KSR2: variants seen among roughly 807,000 people sequenced by gnomAD.
KSR2 encodes kinase suppressor of ras 2.
Under a neutral mutation model 107.8 loss-of-function variants are expected in KSR2, and 25 were observed. The observed-to-expected ratio is 0.23, with a 90% confidence interval of 0.17 to 0.32. KSR2 has a LOEUF of 0.32. Among genes scored for constraint, KSR2 ranks in the 10% least tolerant of loss-of-function variants. The pLI is 1.00. For synonymous variants in KSR2, 480 were observed against 507.0 expected (o/e 0.95, Z 0.71); for missense variants, 887 against 1,268.9 (o/e 0.70, Z 4.57).
chr12:117,956,632 T>A (rs974959285), intron 1 of KSR2, among the ~76,000 whole-genome samples: 2 of 150,268 alleles, frequency 1.3e-5, no homozygotes, highest in Admixed American at 1.3e-4. Flanking sequence ...TTTTCCTTCA[T>A]ACTAAGAGTT....
intron 14 of KSR2, among the ~76,000 whole-genome samples, chr12:117,498,874 G>A (rs1395064152): frequency 6.6e-6 from 1 of 152,218 alleles, no homozygotes; most frequent in Non-Finnish European, 1.5e-5. Flanking sequence ...CCAGCCATGT[G>A]GAACTGTGAG....
chr12:117,794,128 A>C (rs1206637849), intron 3 of KSR2, among the ~76,000 whole-genome samples: 43 of 117,708 alleles, frequency 3.7e-4, no homozygotes, highest in Non-Finnish European at 5.6e-4. Context: ...GCACACTCAC[A>C]CCAACATGCA....
At chr12:117,942,190 C>T (rs1006888517) in intron 1 of KSR2, among the ~76,000 whole-genome samples, 1 of 152,130 alleles carries the variant, frequency 6.6e-6, no homozygotes, top group South Asian at 2.1e-4. Flanking sequence ...ATATTCATCA[C>T]CTCAAACATT....
chr12:117,776,816 C>T (rs908450556), intron 3 of KSR2, among the ~76,000 whole-genome samples: 2 of 152,050 alleles, frequency 1.3e-5, no homozygotes, highest in Non-Finnish European at 1.5e-5. Context: ...CAGCTACTCT[C>T]TCATTCCTCC....
At chr12:117,720,491 A>G (rs1472781913) in intron 4 of KSR2, among the ~76,000 whole-genome samples, 2 of 152,196 alleles carry the variant, frequency 1.3e-5, no homozygotes, top group African/African-American at 4.8e-5. Flanking sequence ...GGAATTGTTT[A>G]AAGTAACACG....
chr12:117,876,649 C>T (rs1057485107), intron 1 of KSR2, among the ~76,000 whole-genome samples: 1 of 151,788 alleles, frequency 6.6e-6, no homozygotes, highest in Non-Finnish European at 1.5e-5. Flanking sequence ...CACAATAATA[C>T]ATTATGTCAT....
chr12:117,915,021 A>T (rs1464190850), intron 1 of KSR2, among the ~76,000 whole-genome samples: 1 of 152,252 alleles, frequency 6.6e-6, no homozygotes, highest in Non-Finnish European at 1.5e-5. Context: ...ACTAAATGTT[A>T]GCAGGGATAC....
rs1566018804 is a variant in KSR2 at position 117,794,221 on chromosome 12, A to ATACACCAACATGCACACT, written c.473-32698_473-32697insAGTGTGCATGTTGGTGTA. On this transcript the variant is annotated intron_variant, in intron 3 of 19. Transcript: ENST00000339824. ...CATGCACACATACACCAACATGCAC[A>ATACACCAACATGCACACT]CACACCAACATGCACACTCACACCA... Among the ~76,000 whole-genome samples, 108 of 99,320 alleles carry ATACACCAACATGCACACT rather than the reference A, an allele frequency of 1.1e-3. 1 individual carries two copies. Among genetic ancestry groups the ATACACCAACATGCACACT allele is most frequent in the Non-Finnish European group, 1.8e-3 (91 of 51,462 alleles). The allele number at this position is 99,320 out of a possible 152,430, so 65.2% of individuals were successfully genotyped here. A position where few individuals can be genotyped will look rare whatever the true frequency, so the allele number is the denominator to read the frequency against.
At chr12:117,730,384 A>T (rs1304796448) in intron 4 of KSR2, among the ~76,000 whole-genome samples, 1 of 151,986 alleles carries the variant, frequency 6.6e-6, no homozygotes, top group African/African-American at 2.4e-5. Flanking sequence ...AATGCAATAT[A>T]TCCTGTCTCT....
At position 117,593,049 on chromosome 12, in the gene KSR2, G is replaced by A. The variant is rs556180429; in HGVS notation, c.1172-10690C>T. Among the ~76,000 whole-genome samples the A allele has an allele frequency of 1.2e-4, 18 of 152,268 alleles. No individual in the cohort carries two copies. In the East Asian group the frequency reaches 3.3e-3, roughly 28 times the overall value. ...GATCTGGAAAGAGGAGGGGAACATG[G>A]TCTGGAAAGAGGAGAGCAGCCCTGA... On this transcript the variant is annotated intron_variant, in intron 5 of 19. Transcript: ENST00000339824.
chr12:117,936,799 A>G (rs1895862712), intron 1 of KSR2, among the ~76,000 whole-genome samples: 1 of 152,190 alleles, frequency 6.6e-6, no homozygotes, highest in African/African-American at 2.4e-5. Flanking sequence ...GCTCTCAGAC[A>G]TATATCCCTA....
chr12:117,568,706 A>G (rs1159724577), intron 7 of KSR2, among the ~76,000 whole-genome samples: 3 of 152,200 alleles, frequency 2.0e-5, no homozygotes, highest in African/African-American at 7.2e-5. Flanking sequence ...TGAGCCCCCA[A>G]TACATGATAG....
rs71410057 is a variant in KSR2, at chr12:117,746,736, G to GA, written c.986+14274dup. Among the ~76,000 whole-genome samples, 881 of 146,398 alleles carry GA rather than the reference G, an allele frequency of 6.0e-3. 6 individuals are homozygous for GA. The highest frequency in any genetic ancestry group is 0.021 in the African/African-American group (810 of 39,484). Reference sequence around the variant, plus strand: ...ACAAGCAACTTAAACAAATTTACAAGAAAAAAAAACCCCCATCAAAAAGTA... The same window carrying GA: ...ACAAGCAACTTAAACAAATTTACAAGAAAAAAAAAACCCCCATCAAAAAGTA... On this transcript the variant is annotated intron_variant, in intron 4 of 19. Coordinates refer to ENST00000339824, the MANE Select transcript of KSR2 (RefSeq NM_173598.6).
intron 3 of KSR2, among the ~76,000 whole-genome samples, chr12:117,840,571 T>C (rs1290499309): frequency 6.6e-5 from 10 of 152,054 alleles, no homozygotes; most frequent in Admixed American, 2.0e-4. Flanking sequence ...AAATTTTATA[T>C]TTTTAGTGGA....
intron 3 of KSR2, among the ~76,000 whole-genome samples, chr12:117,783,837 T>G (rs1009675618): frequency 6.6e-6 from 1 of 151,788 alleles, no homozygotes; most frequent in East Asian, 1.9e-4. Context: ...ATCCTTGGGG[T>G]TTTTATGTGT....
At chr12:117,562,904 C>T (rs1487543187) in intron 7 of KSR2, among the ~76,000 whole-genome samples, 1 of 152,164 alleles carries the variant, frequency 6.6e-6, no homozygotes, top group Non-Finnish European at 1.5e-5. Context: ...TTAAACCTTG[C>T]ACTTAGGTTC....
At chr12:117,849,397 A>G (rs571709237) in intron 3 of KSR2, among the ~76,000 whole-genome samples, 1 of 152,336 alleles carries the variant, frequency 6.6e-6, no homozygotes, top group South Asian at 2.1e-4. Context: ...ATAACCATGC[A>G]ACCAATTTCG....
chr12:117,809,839 G>T (rs1026322576), intron 3 of KSR2, among the ~76,000 whole-genome samples: 2 of 152,196 alleles, frequency 1.3e-5, no homozygotes, highest in Non-Finnish European at 2.9e-5. Flanking sequence ...CAAATCAGAT[G>T]CCAGCAGTGA....
chr12:117,647,040 G>T (rs1187616741), intron 5 of KSR2, among the ~76,000 whole-genome samples: 1 of 152,122 alleles, frequency 6.6e-6, no homozygotes, highest in Non-Finnish European at 1.5e-5. Context: ...GACGGAGAGG[G>T]TGAAAGCCAC....
Sources: allele counts gnomAD v4.1 joint callset (sites outside exome capture counted in the v4.1 genomes callset), GRCh38; gene constraint gnomAD v4.1.1; transcripts MANE v1.5; gene names NCBI Gene and HGNC (gene_info 2026-07-23, HGNC 2026-07-21).